TSPEAR: variants seen among roughly 807,000 people sequenced by gnomAD.
TSPEAR encodes the protein thrombospondin type laminin G domain and EAR repeats.
A neutral mutation model predicts 71.6 loss-of-function variants in TSPEAR; 69 were observed. The ratio of observed to expected loss-of-function variants is 0.96; its 90% CI spans 0.79 to 1.18. TSPEAR has a LOEUF of 1.18. Ranked by LOEUF, TSPEAR falls within the 50% of genes most tolerant of loss-of-function variation. TSPEAR has a pLI of 0.00. For synonymous variants in TSPEAR, 402 were observed against 387.2 expected (o/e 1.04, Z -0.45); for missense variants, 971 against 894.9 (o/e 1.09, Z -1.09).
intron 1 of TSPEAR, among the ~76,000 whole-genome samples, chr21:44,659,509 C>T (rs905103229): frequency 1.3e-5 from 2 of 152,102 alleles, no homozygotes; most frequent in African/African-American, 2.4e-5. Flanking sequence ...AAGAGACGCA[C>T]GCATTTCCAG....
intron 1 of TSPEAR, chr21:44,637,883 T>C: frequency 1.3e-6 from 2 of 1,530,140 alleles, no homozygotes; most frequent in African/African-American, 2.7e-5. Context: ...TAAGTCCGTC[T>C]GCTATGTGCC....
intron 1 of TSPEAR, among the ~76,000 whole-genome samples, chr21:44,569,334 C>T (rs1349468543): frequency 6.6e-6 from 1 of 152,096 alleles, no homozygotes; most frequent in East Asian, 1.9e-4. Context: ...CGCAAGTGTG[C>T]ACACAGGGTG....
At chr21:44,636,313 A>G (rs190045439) in intron 1 of TSPEAR, among the ~76,000 whole-genome samples, 4 of 152,212 alleles carry the variant, frequency 2.6e-5, no homozygotes, top group African/African-American at 9.6e-5. Context: ...CTGACATTCC[A>G]CTGGGCATTT....
chr21:44,590,431 T>C (rs1979706230), intron 1 of TSPEAR, among the ~76,000 whole-genome samples: 1 of 152,026 alleles, frequency 6.6e-6, no homozygotes, highest in Non-Finnish European at 1.5e-5. Context: ...ACCCTGAAAG[T>C]CTAGGCGAGG....
chr21:44,677,232 G>A, intron 1 of TSPEAR: 1 of 716,592 alleles, frequency 1.4e-6, no homozygotes, highest in South Asian at 1.6e-5. Context: ...CTCTTCTTTG[G>A]CTTTGAGAAG....
chr21:44,558,716 G>A lies in TSPEAR; in HGVS notation c.303+9069C>T, dbSNP rs782476939. 8 of 1,590,876 alleles carry A rather than the reference G, an allele frequency of 5.0e-6. No individual in the cohort carries two copies. The East Asian group carries it at 1.3e-4, about 27-fold the overall frequency. ...AGACGGACATGGTAGACGTGGCCAT[G>A]CTGGGGTGGGGAGGAGGTGAGCTGG... On this transcript the variant is annotated intron_variant, in intron 2 of 11. Transcript: ENST00000323084.
At chr21:44,558,529 C>G (rs1555920394) in intron 2 of TSPEAR, 2 of 1,613,344 alleles carry the variant, frequency 1.2e-6, no homozygotes, top group Non-Finnish European at 1.7e-6. Flanking sequence ...GGGCTGGGCT[C>G]ACAGGCCGCC....
At chr21:44,569,126 G>A (rs1289500779) in intron 1 of TSPEAR, among the ~76,000 whole-genome samples, 3 of 152,184 alleles carry the variant, frequency 2.0e-5, no homozygotes, top group African/African-American at 7.2e-5. Flanking sequence ...CACGTGCATC[G>A]CAGTGCCACA....
chr21:44,629,158 G>A (rs144773415), intron 1 of TSPEAR, among the ~76,000 whole-genome samples: 59 of 152,290 alleles, frequency 3.9e-4, no homozygotes, highest in Admixed American at 7.8e-4. Flanking sequence ...CTGCGATGCC[G>A]CCCACTCTTC....
At chr21:44,641,464 AG>A (rs1984017715) in intron 1 of TSPEAR, among the ~76,000 whole-genome samples, 1 of 152,194 alleles carries the variant, frequency 6.6e-6, no homozygotes, top group East Asian at 1.9e-4. Context: ...CCAATGCAGA[AG>A]GACAGAGATA....
rs547815629 is a variant in TSPEAR at position 44,691,172 on chromosome 21, G to A, written c.82+20261C>T. Among the ~76,000 whole-genome samples the A allele has an allele frequency of 2.6e-5, 4 of 151,260 alleles. No homozygotes were observed. The East Asian group carries it at 5.9e-4, about 22-fold the overall frequency. On this transcript the variant is annotated intron_variant, in intron 1 of 11. Transcript: ENST00000323084. ...AGGTAACATCTGAAATGTCTCCTAA[G>A]AACATGATTTTACAACCTTGTTGCT... is the stretch of plus-strand genomic sequence containing the variant.
At chr21:44,569,387 TGCAGGAACAGCCGGCAAA>T (rs587599297) in intron 1 of TSPEAR, among the ~76,000 whole-genome samples, 135 of 152,252 alleles carry the variant, frequency 8.9e-4, no homozygotes, top group African/African-American at 3.0e-3. Flanking sequence ...AGACGTGCAG[TGCAGGAACAGCCGGCAAA>T]GCAGCCGTGA....
chr21:44,701,489 G>A (rs542063752), intron 1 of TSPEAR, among the ~76,000 whole-genome samples: 16 of 152,304 alleles, frequency 1.1e-4, no homozygotes, highest in African/African-American at 2.9e-4. Flanking sequence ...AATTTATAAC[G>A]AAATAATCAT....
intron 1 of TSPEAR, among the ~76,000 whole-genome samples, chr21:44,576,214 G>C (rs1004134262): frequency 1.3e-5 from 2 of 152,238 alleles, no homozygotes; most frequent in Non-Finnish European, 2.9e-5. Flanking sequence ...TGTGAGGACA[G>C]ACCCAGAGCA....
chr21:44,636,944 A>G (rs1294506826), intron 1 of TSPEAR, among the ~76,000 whole-genome samples: 1 of 152,212 alleles, frequency 6.6e-6, no homozygotes, highest in Non-Finnish European at 1.5e-5. Flanking sequence ...GTCTTCAAGC[A>G]TCTTTTCCCA....
intron 1 of TSPEAR, among the ~76,000 whole-genome samples, chr21:44,652,765 T>C (rs1442644415): frequency 6.6e-6 from 1 of 152,148 alleles, no homozygotes; most frequent in Non-Finnish European, 1.5e-5. Context: ...GTTGACTACA[T>C]ATCATGGCCC....
At chr21:44,508,933 A>G in intron 10 of TSPEAR, 1 of 1,521,168 alleles carries the variant, frequency 6.6e-7, no homozygotes, top group Non-Finnish European at 8.9e-7. Flanking sequence ...AAAGGAGGTA[A>G]TGGGTGTGAA....
chr21:44,515,079 C>G (rs76449626), intron 9 of TSPEAR, among the ~76,000 whole-genome samples: 4,859 of 152,290 alleles, frequency 0.032, 251 homozygotes, highest in African/African-American at 0.11. Context: ...TGGCACACAC[C>G]CACTTTCAAA....
chr21:44,539,335 G>A (rs1269496301), intron 2 of TSPEAR: 6 of 1,611,978 alleles, frequency 3.7e-6, no homozygotes, highest in African/African-American at 2.7e-5. Context: ...CGGGGCGGCA[G>A]AGGAGGGACA....
Sources: allele counts gnomAD v4.1 joint callset (sites outside exome capture counted in the v4.1 genomes callset), GRCh38; gene constraint gnomAD v4.1.1; transcripts MANE v1.5; gene names NCBI Gene and HGNC (gene_info 2026-07-23, HGNC 2026-07-21).